Variants in HERC4 observed in about 807,000 individuals in gnomAD.
HERC4 encodes the protein HECT and RLD domain containing E3 ubiquitin protein ligase 4.
Under a neutral mutation model 124.3 loss-of-function variants are expected in HERC4, and 28 were observed. The observed-to-expected ratio is 0.23, with a 90% confidence interval of 0.17 to 0.31. HERC4 has a LOEUF of 0.31. HERC4 is among the 10% of genes least tolerant of loss of function. The probability of loss-of-function intolerance (pLI) is 1.00; values close to 1 mark genes in which losing one functional copy is unlikely to be tolerated. For synonymous variants in HERC4, 407 were observed against 421.5 expected (o/e 0.97, Z 0.42); for missense variants, 713 against 1,229.3 (o/e 0.58, Z 6.28).
rs571948578 is a variant in HERC4 at position 67,940,005 on chromosome 10, C to A, written c.2505-351G>T. Among the ~76,000 whole-genome samples the A allele has an allele frequency of 2.0e-4, 30 of 152,182 alleles. No individual in the cohort carries two copies. The South Asian group carries it at 5.8e-3, about 30-fold the overall frequency. The stretch of plus-strand genomic sequence containing the variant: ...GCAGTGGCATGATTTTGGCTCACTG[C>A]AACCTCTGCCCCCTGGGTTTTTAAA... On this transcript the variant is annotated intron_variant, in intron 20 of 24. Coordinates refer to ENST00000373700, the MANE Select transcript of HERC4 (RefSeq NM_015601.4).
intron 5 of HERC4, among the ~76,000 whole-genome samples, chr10:68,037,691 T>C (rs1356408619): frequency 1.3e-5 from 2 of 152,198 alleles, no homozygotes; most frequent in Non-Finnish European, 2.9e-5. Context: ...AATGACACCA[T>C]TCACAACAAC....
chr10:67,955,344 A>G, intron 17 of HERC4: 1 of 454,848 alleles, frequency 2.2e-6, no homozygotes, highest in Non-Finnish European at 3.8e-6. Flanking sequence ...TGTATAATGT[A>G]TAACTCATAA....
At chr10:67,927,430 A>ATATATATATTTTTT (rs1564911511) in intron 23 of HERC4, among the ~76,000 whole-genome samples, 2 of 37,904 alleles carry the variant, frequency 5.3e-5, no homozygotes, top group Non-Finnish European at 1.5e-4. Context: ...ATATATATAT[A>ATATATATATTTTTT]TTTTTTTTTT....
chr10:67,939,582 T>A lies in HERC4; in HGVS notation c.2571+6A>T, dbSNP rs2032694161. The A allele has an allele frequency of 6.3e-7, 1 of 1,588,330 alleles. No homozygotes were observed. The highest frequency in any genetic ancestry group is 2.2e-5 in the East Asian group (1 of 44,574). ...AATCAGGCTAACCTATGTCCTTCCA[T>A]CTTACCGTAAAATTAAGACAAAATG... On this transcript the variant is annotated splice_donor_region_variant and intron_variant, in intron 21 of 24. Transcript: ENST00000373700.
At chr10:67,962,713 T>C (rs1181531858) in intron 16 of HERC4, among the ~76,000 whole-genome samples, 1 of 152,058 alleles carries the variant, frequency 6.6e-6, no homozygotes, top group African/African-American at 2.4e-5. Context: ...TACAAACAAT[T>C]TAAAAGCAAA....
chr10:68,064,218 G>A lies in HERC4; in HGVS notation c.226+8665C>T, dbSNP rs549184869. 1.4e-4 allele frequency among the ~76,000 whole-genome samples: 21 copies of A among 151,154 alleles called. No individual in the cohort carries two copies. In the South Asian group the frequency reaches 4.0e-3, roughly 29 times the overall value. ...CATGCCACTGCACTCCAGCCTGGGC[G>A]ACAGAACAAAACCCTGTCCCCAAAA... is the stretch of plus-strand genomic sequence containing the variant. On this transcript the variant is annotated intron_variant, in intron 3 of 24. Coordinates refer to ENST00000373700, the MANE Select transcript of HERC4 (RefSeq NM_015601.4).
At chr10:68,044,308 T>C (rs1165680022) in intron 4 of HERC4, 96 bp downstream of exon 4, 1 of 1,188,404 alleles carries the variant, frequency 8.4e-7, no homozygotes, top group African/African-American at 1.6e-5. Flanking sequence ...TAATGAGATG[T>C]CAACTCTTAC....
At chr10:67,971,664 C>G (rs1197227588) in intron 15 of HERC4, among the ~76,000 whole-genome samples, 1 of 150,400 alleles carries the variant, frequency 6.6e-6, no homozygotes, top group Admixed American at 6.6e-5. Flanking sequence ...CCACCCCCAC[C>G]CCCCACCGAC....
chr10:67,933,547 C>T (rs911790161), intron 22 of HERC4, among the ~76,000 whole-genome samples: 1 of 152,196 alleles, frequency 6.6e-6, no homozygotes, highest in South Asian at 2.1e-4. Flanking sequence ...ATATCTTTGT[C>T]TTCCAAGTAA....
chr10:67,965,933 AC>A (rs1280546436), intron 16 of HERC4: 4 of 152,354 alleles, frequency 2.6e-5, no homozygotes, highest in African/African-American at 9.6e-5. Context: ...GTTTTATAAG[AC>A]CATGGTACTA....
chr10:68,061,820 G>A (rs547020393), intron 3 of HERC4, among the ~76,000 whole-genome samples: 6 of 140,926 alleles, frequency 4.3e-5, no homozygotes, highest in African/African-American at 1.6e-4. Context: ...GGCGGAGGTT[G>A]CAGTGAGCCG....
intron 19 of HERC4, among the ~76,000 whole-genome samples, chr10:67,944,758 A>C (rs1458766288): frequency 3.3e-5 from 5 of 152,236 alleles, no homozygotes; most frequent in African/African-American, 7.2e-5. Context: ...TAACAGAGTA[A>C]AATAAAAAGA....
intron 23 of HERC4, among the ~76,000 whole-genome samples, chr10:67,931,970 G>A (rs2031861661): frequency 6.6e-6 from 1 of 151,790 alleles, no homozygotes; most frequent in Non-Finnish European, 1.5e-5. Context: ...CTTATTTTTT[G>A]TTTTTGAGAC....
intron 3 of HERC4, among the ~76,000 whole-genome samples, chr10:68,045,077 T>C (rs576118250): frequency 6.6e-5 from 10 of 152,206 alleles, no homozygotes; most frequent in Non-Finnish European, 1.3e-4. Context: ...TACCAGCATT[T>C]TGGGAGGCCA....
chr10:67,963,477 A>G (rs1279797871), intron 16 of HERC4, among the ~76,000 whole-genome samples: 3 of 152,192 alleles, frequency 2.0e-5, no homozygotes, highest in African/African-American at 7.2e-5. Context: ...TCGGCCTCCC[A>G]AAGTGCTGGG....
chr10:67,958,408 G>A (rs2034283021), intron 16 of HERC4, among the ~76,000 whole-genome samples: 1 of 152,156 alleles, frequency 6.6e-6, no homozygotes, highest in Non-Finnish European at 1.5e-5. Context: ...ATAATTTTAT[G>A]TGCTAATTCT....
chr10:68,070,609 A>G (rs1258089185), intron 3 of HERC4: 2 of 151,530 alleles, frequency 1.3e-5, no homozygotes, highest in African/African-American at 4.8e-5. Flanking sequence ...TCTGTCTCAA[A>G]AAAAAAAATA....
intron 8 of HERC4, among the ~76,000 whole-genome samples, chr10:68,015,402 T>A (rs148286816): frequency 8.9e-4 from 135 of 152,326 alleles, no homozygotes; most frequent in African/African-American, 3.0e-3. Flanking sequence ...ATTAGCTAAA[T>A]AATTATTTTA....
Position 67,922,226 on chromosome 10 carries a change from A to G in HERC4, c.*705T>C, listed in dbSNP as rs2030283984. ...CAGAGTTCTTCCAGTACTAAATATT[A>G]ATAAGTTCTCTGATCGACAATCCCC... On this transcript the variant is annotated 3_prime_UTR_variant, in exon 25 of 25. Transcript: ENST00000373700. The G allele has an allele frequency of 6.6e-6, 1 of 152,194 alleles. No homozygotes were observed. The highest frequency in any genetic ancestry group is 2.4e-5 in the African/African-American group (1 of 41,460). 9.4% of individuals were successfully genotyped at this position (152,194 alleles called of 1,614,324 possible).
Sources: gnomAD v4.1 joint callset for allele counts (sites outside exome capture counted in the v4.1 genomes callset) on GRCh38, gnomAD v4.1.1 for gene constraint, MANE v1.5 for transcripts, NCBI Gene and HGNC (gene_info 2026-07-23, HGNC 2026-07-21) for gene names.